The following ZNF260 variants were observed in gnomAD, a reference collection of about 807,000 sequenced individuals.
ZNF260 encodes the protein zinc finger protein 260.
ZNF260 carries 21 observed loss-of-function variants against 29.3 expected under a neutral mutation model. The ratio of observed to expected loss-of-function variants is 0.72; its 90% CI spans 0.51 to 1.03. The LOEUF (loss-of-function observed/expected upper bound fraction) is 1.03. ZNF260 is among the 50% of genes least tolerant of loss of function. The pLI, the probability that ZNF260 is intolerant of heterozygous loss-of-function variation, is 0.00. For missense variants in ZNF260, 465 were observed against 487.8 expected (o/e 0.95, Z 0.44); for synonymous variants, 156 against 156.8 (o/e 0.99, Z 0.04).
At chr19:36,525,038 A>T (rs1184795834) in intron 2 of ZNF260, 117 bp downstream of exon 2, 1 of 152,294 alleles carries the variant, frequency 6.6e-6, no homozygotes, top group Non-Finnish European at 1.5e-5. Flanking sequence ...GACAAAGGCT[A>T]GTACGAAAAT....
chr19:36,522,443 T>C (rs2945978), intron 2 of ZNF260, among the ~76,000 whole-genome samples: 130,058 of 152,012 alleles, frequency 0.86, 56,362 homozygotes, highest in Non-Finnish European at 0.9. Context: ...GCAACAAGAG[T>C]GAAACTCCAT....
At chr19:36,524,517 G>GGTTTTTTTTTTTTTTTT in intron 2 of ZNF260, among the ~76,000 whole-genome samples, 1 of 90,972 alleles carries the variant, frequency 1.1e-5, no homozygotes. Flanking sequence ...TTACATGCTA[G>GGTTTTTTTTTTTTTTTT]TTTTTTTTTT....
chr19:36,516,827 C>T (rs1211466014), intron 2 of ZNF260, among the ~76,000 whole-genome samples: 2 of 152,168 alleles, frequency 1.3e-5, no homozygotes, highest in Non-Finnish European at 2.9e-5. Flanking sequence ...ATCTGCCCGC[C>T]TTGGCCTCCC....
chr19:36,514,442 T>G lies in ZNF260; in HGVS notation c.797A>C (p.His266Pro). The change falls in exon 3 of 3, where the codon CAT becomes CCT. Residue 266 changes from histidine (H) to proline (P), a missense_variant. Transcript: ENST00000523638. The stretch of plus-strand genomic sequence containing the variant: ...TTTCTCTCCAATATGAATTTTCTCA[T>G]GCTCTGTGAGATTTGACTTGCCACT... ...AFSGKSNLTE[H>P]EKIHIGEKPY... 2.5e-6 allele frequency: 4 copies of G among 1,614,142 alleles called. No homozygotes were observed. Among genetic ancestry groups the G allele is most frequent in the Non-Finnish European group, 3.4e-6 (4 of 1,180,010 alleles).
Position 36,514,604 on chromosome 19 carries a change from C to A in ZNF260, c.635G>T (p.Arg212Ile). 6.2e-7 allele frequency: 1 copy of A among 1,613,766 alleles called. No homozygotes were observed. The highest frequency in any genetic ancestry group is 8.5e-7 in the Non-Finnish European group (1 of 1,179,926). ...ATAAGGTTTCTCTCCAGTATGGATT[C>A]TCTGATGTATAATGAGGTTTTCCTT... is the stretch of plus-strand genomic sequence containing the variant. ...SQKENLIIHQ[R>I]IHTGEKPYEC... Residue 212 changes from arginine to isoleucine, a missense_variant, in exon 3 of 3, where the codon AGA (arginine) becomes ATA (isoleucine). By Grantham distance (97) the Arg-to-Ile change is moderately conservative (BLOSUM62 -3). Transcript: ENST00000523638.
chr19:36,522,141 T>A (rs898176435), intron 2 of ZNF260, among the ~76,000 whole-genome samples: 1 of 151,624 alleles, frequency 6.6e-6, no homozygotes, highest in East Asian at 2.0e-4. Context: ...TTGTATTATG[T>A]GTAAATAGTG....
Position 36,514,192 on chromosome 19 carries a change from C to A in ZNF260, c.1047G>T (p.Val349=), listed in dbSNP as rs763553967. 1 of 1,613,882 alleles carries A rather than the reference C, an allele frequency of 6.2e-7. No homozygotes were observed. The highest frequency in any genetic ancestry group is 1.3e-5 in the African/African-American group (1 of 74,894). The change falls in exon 3 of 3, where the codon GTG becomes GTT. Residue 349 remains valine, a synonymous_variant. Transcript: ENST00000523638. ...TCTCACCTGTATGGCTTCTCATATG[C>A]ACAGTAAGAGATGAGCTTTGACAGA... The part of the protein sequence containing the change: ...KAFCQSSSLT[V]HMRSHTGEKP...
rs201257718 is a variant in ZNF260, at chr19:36,514,279, A to G, written c.960T>C (p.Ile320=). The G allele has an allele frequency of 7.3e-5, 118 of 1,614,032 alleles. 1 individual carries two copies. In the Middle Eastern group the frequency reaches 8.2e-4, roughly 11 times the overall value. ...CACCTGTATGAATTCTCACATGTAC[A>G]ATAAGTGATGTGATTCGAGAGAAGG... The part of the protein sequence containing the change: ...GKAFSRITSL[I]VHVRIHTGDK... The change falls in exon 3 of 3, where the codon ATT becomes ATC. Residue 320 remains isoleucine (I), a synonymous_variant. Coordinates refer to ENST00000523638, the MANE Select transcript of ZNF260 (RefSeq NM_001166037.2).
chr19:36,518,054 C>T (rs2034581624), intron 2 of ZNF260: 1 of 152,108 alleles, frequency 6.6e-6, no homozygotes, highest in Non-Finnish European at 1.5e-5. Context: ...TGGTCTTGAA[C>T]TCCTGACCTC....
rs73931034 is a variant in ZNF260 at position 36,513,633 on chromosome 19, T to C, written c.*367A>G. 2.1e-3 allele frequency: 895 copies of C among 416,820 alleles called. 7 individuals are homozygous for C. Among genetic ancestry groups the C allele is most frequent in the African/African-American group, 0.016 (800 of 49,278 alleles). 25.8% of individuals were successfully genotyped at this position (416,820 alleles called of 1,614,324 possible). ...ATTCTAGTTTTACAATTCATATATGTAGCAAAACATCACAAAAATGATAAT... is the reference window on the plus strand; with the variant it reads ...ATTCTAGTTTTACAATTCATATATGCAGCAAAACATCACAAAAATGATAAT... On this transcript the variant is annotated 3_prime_UTR_variant, in exon 3 of 3. Coordinates refer to ENST00000523638, the MANE Select transcript of ZNF260 (RefSeq NM_001166037.2).
Position 36,527,084 on chromosome 19 carries a change from T to C in ZNF260, c.-681+1135A>G, listed in dbSNP as rs116575968. ...CTGTAACTTCCAGGTGGACTGCACA[T>C]TGGGCAATTAGATAATATGGATTAG... On this transcript the variant is annotated intron_variant, in intron 1 of 2. Transcript: ENST00000523638. Among the ~76,000 whole-genome samples, 618 of 152,300 alleles carry C rather than the reference T, an allele frequency of 4.1e-3. 3 individuals are homozygous for C. Among genetic ancestry groups the C allele is most frequent in the African/African-American group, 0.014 (588 of 41,554 alleles).
At chr19:36,528,031 G>C (rs1431405689) in intron 1 of ZNF260, among the ~76,000 whole-genome samples, 188 bp downstream of exon 1, 3 of 148,694 alleles carry the variant, frequency 2.0e-5, no homozygotes, top group African/African-American at 4.9e-5. Flanking sequence ...TCACCCACCC[G>C]CGAACCCACC....
intron 1 of ZNF260, among the ~76,000 whole-genome samples, chr19:36,527,050 T>TG (rs1267375674): frequency 2.0e-5 from 3 of 152,206 alleles, no homozygotes; most frequent in Non-Finnish European, 4.4e-5. Context: ...ATAAAGAGCT[T>TG]GAAGTTCCCT....
Position 36,511,859 on chromosome 19 carries a change from G to T in ZNF260, c.*2141C>A, listed in dbSNP as rs1382950850. On this transcript the variant is annotated 3_prime_UTR_variant, in exon 3 of 3. Transcript: ENST00000523638. ...CATAATTGAGAAAGAAATTTAGTCT[G>T]CAGGTTAAAAGTGAAGCTGAAATCC... is the stretch of plus-strand genomic sequence containing the variant. 1 of 152,118 alleles carries T rather than the reference G, an allele frequency of 6.6e-6. No homozygotes were observed. The highest frequency in any genetic ancestry group is 2.4e-5 in the African/African-American group (1 of 41,408). The allele number at this position is 152,118 out of a possible 1,614,324, so 9.4% of individuals were successfully genotyped here. A position where few individuals can be genotyped will look rare whatever the true frequency, so the allele number is the denominator to read the frequency against.
chr19:36,522,194 C>G (rs2034657391), intron 2 of ZNF260, among the ~76,000 whole-genome samples: 2 of 152,108 alleles, frequency 1.3e-5, no homozygotes, highest in Admixed American at 1.3e-4. Flanking sequence ...GTGGCTCACG[C>G]CTGTAATCCC....
In ZNF260 at chr19:36,510,725, T is replaced by C. The variant is rs980072212; in HGVS notation, c.*3275A>G. On this transcript the variant is annotated 3_prime_UTR_variant, in exon 3 of 3. Transcript: ENST00000523638. ...CATGAATTTTTATTGTACCATTTCT[T>C]ATGGTGGCAAATAAGCAAACTGTGA... The C allele has an allele frequency of 6.6e-6, 1 of 152,210 alleles. No homozygotes were observed. The highest frequency in any genetic ancestry group is 2.4e-5 in the African/African-American group (1 of 41,452). The allele number at this position is 152,210 out of a possible 1,614,324, so 9.4% of individuals were successfully genotyped here.
At chr19:36,527,070 A>T (rs1010459423) in intron 1 of ZNF260, among the ~76,000 whole-genome samples, 3 of 152,240 alleles carry the variant, frequency 2.0e-5, no homozygotes, top group Non-Finnish European at 4.4e-5. Context: ...TGTAACTTCC[A>T]GGTGGACTGC....
intron 2 of ZNF260, among the ~76,000 whole-genome samples, chr19:36,524,710 G>A (rs999237603): frequency 6.6e-6 from 1 of 151,836 alleles, no homozygotes; most frequent in Non-Finnish European, 1.5e-5. Context: ...AGGGAGTGGT[G>A]ATGACTCTTA....
rs1315513110 is a variant in ZNF260 at position 36,528,241 on chromosome 19, C to T, written c.-703G>A. On this transcript the variant is annotated 5_prime_UTR_variant, in exon 1 of 3. Transcript: ENST00000523638. Reference sequence around the variant, plus strand: ...CACCGGCAGACAAAGACGACCATGGCAAGTCGGAGATTCCGCGCCTGCGCA... The same window carrying T: ...CACCGGCAGACAAAGACGACCATGGTAAGTCGGAGATTCCGCGCCTGCGCA... 1.3e-5 allele frequency: 2 copies of T among 152,456 alleles called. No individual in the cohort carries two copies. Among genetic ancestry groups the T allele is most frequent in the African/African-American group, 4.8e-5 (2 of 41,456 alleles). The allele number at this position is 152,456 out of a possible 1,614,324, so 9.4% of individuals were successfully genotyped here. A position where few individuals can be genotyped will look rare whatever the true frequency, so the allele number is the denominator to read the frequency against.
Sources: allele counts gnomAD v4.1 joint callset (sites outside exome capture counted in the v4.1 genomes callset), GRCh38; gene constraint gnomAD v4.1.1; transcripts MANE v1.5; gene names NCBI Gene and HGNC (gene_info 2026-07-23, HGNC 2026-07-21).